SLC25A12: variants seen among roughly 807,000 people sequenced by gnomAD.
The protein encoded by SLC25A12 is electrogenic aspartate/glutamate antiporter SLC25A12, mitochondrial.
In SLC25A12, 32 loss-of-function variants were observed where a neutral mutation model predicts 83.3. The ratio of observed to expected loss-of-function variants is 0.38; its 90% CI spans 0.29 to 0.52. SLC25A12 has a LOEUF of 0.52. Among genes scored for constraint, SLC25A12 ranks in the 20% least tolerant of loss-of-function variants. The pLI, the probability that SLC25A12 is intolerant of heterozygous loss-of-function variation, is 0.84. For synonymous variants in SLC25A12, 267 were observed against 291.1 expected (o/e 0.92, Z 0.84); for missense variants, 611 against 835.6 (o/e 0.73, Z 3.31).
At chr2:171,791,378 GA>G (rs1683454180) in intron 15 of SLC25A12, 72 bp downstream of exon 15, 1 of 1,234,378 alleles carries the variant, frequency 8.1e-7, no homozygotes, top group African/African-American at 1.5e-5. Context: ...AATAAAGGGG[GA>G]AAGTACATAG....
chr2:171,839,412 G>A (rs1333792397), intron 5 of SLC25A12, among the ~76,000 whole-genome samples: 1 of 152,104 alleles, frequency 6.6e-6, no homozygotes, highest in Non-Finnish European at 1.5e-5. Flanking sequence ...GTAGGTAGGT[G>A]GATAGGAGAA....
intron 11 of SLC25A12, among the ~76,000 whole-genome samples, chr2:171,812,835 T>C (rs917925171): frequency 8.6e-5 from 13 of 151,152 alleles, no homozygotes; most frequent in Admixed American, 5.3e-4. Flanking sequence ...AGATGGCTCA[T>C]TGGAAAAAAT....
At chr2:171,813,242 A>G in intron 11 of SLC25A12, 97 bp downstream of exon 11, 1 of 1,229,080 alleles carries the variant, frequency 8.1e-7, no homozygotes, top group Non-Finnish European at 1.2e-6. Flanking sequence ...TAGTCTGGCT[A>G]GGCATACTAC....
At chr2:171,820,001 T>C (rs557456534) in intron 9 of SLC25A12, among the ~76,000 whole-genome samples, 2 of 152,294 alleles carry the variant, frequency 1.3e-5, no homozygotes, top group South Asian at 4.2e-4. Context: ...TTCTCACTTA[T>C]AAGTGGGAGC....
chr2:171,879,234 T>C (rs893673480), intron 2 of SLC25A12, among the ~76,000 whole-genome samples: 1 of 152,226 alleles, frequency 6.6e-6, no homozygotes, highest in African/African-American at 2.4e-5. Context: ...TAAATCTAAT[T>C]TTGATTAGCA....
intron 2 of SLC25A12, among the ~76,000 whole-genome samples, chr2:171,884,482 T>C (rs1320537453): frequency 6.6e-6 from 1 of 151,268 alleles, no homozygotes; most frequent in East Asian, 2.0e-4. Flanking sequence ...TGTTAGGTTC[T>C]AGGCTGGGCA....
intron 13 of SLC25A12, among the ~76,000 whole-genome samples, chr2:171,804,409 C>T (rs1043498146): frequency 1.3e-5 from 2 of 152,128 alleles, no homozygotes; most frequent in African/African-American, 4.8e-5. Context: ...AAAGCACCTG[C>T]CACCACGCCT....
chr2:171,830,279 C>T (rs953085015), intron 8 of SLC25A12, among the ~76,000 whole-genome samples: 3 of 152,196 alleles, frequency 2.0e-5, no homozygotes, highest in Non-Finnish European at 4.4e-5. Context: ...ATAATCTTGA[C>T]ACTTTTCAAT....
chr2:171,868,560 C>T lies in SLC25A12; in HGVS notation c.209+121G>A, dbSNP rs969800188. On this transcript the variant is annotated intron_variant, in intron 3 of 17. Transcript: ENST00000422440. ...AACTCCCGACCTCAGGTGATCCGCCCGCCTCAGCCTTCCAAAGCGCTGGGA... is the reference window on the plus strand; with the variant it reads ...AACTCCCGACCTCAGGTGATCCGCCTGCCTCAGCCTTCCAAAGCGCTGGGA... 1.0e-4 allele frequency: 96 copies of T among 939,950 alleles called. 1 individual carries two copies. The highest frequency in any genetic ancestry group is 1.4e-4 in the Admixed American group (8 of 55,850). 58.2% of individuals were successfully genotyped at this position (939,950 alleles called of 1,614,324 possible).
At chr2:171,843,779 G>C (rs1242967135) in intron 5 of SLC25A12, among the ~76,000 whole-genome samples, 1 of 149,298 alleles carries the variant, frequency 6.7e-6, no homozygotes, top group Non-Finnish European at 1.5e-5. Flanking sequence ...GGAGAGGAGA[G>C]AGGTGAAAGA....
At chr2:171,854,546 G>A (rs899356336) in intron 4 of SLC25A12, among the ~76,000 whole-genome samples, 2 of 151,880 alleles carry the variant, frequency 1.3e-5, no homozygotes, top group African/African-American at 2.4e-5. Flanking sequence ...CAGTCTGGGC[G>A]ACAGAGCAAG....
At chr2:171,866,157 G>C (rs1417328819) in intron 3 of SLC25A12, among the ~76,000 whole-genome samples, 2 of 137,464 alleles carry the variant, frequency 1.5e-5, no homozygotes, top group Non-Finnish European at 3.1e-5. Context: ...ACAGGGTTGG[G>C]GGTAAGGTCA....
At chr2:171,810,905 T>C (rs939028874) in intron 11 of SLC25A12, among the ~76,000 whole-genome samples, 3 of 152,200 alleles carry the variant, frequency 2.0e-5, no homozygotes, top group African/African-American at 7.2e-5. Flanking sequence ...TGTATTCTTA[T>C]TGACTAATAT....
intron 3 of SLC25A12, among the ~76,000 whole-genome samples, chr2:171,858,577 C>A (rs942410884): frequency 5.5e-4 from 84 of 152,342 alleles, no homozygotes; most frequent in African/African-American, 1.9e-3. Flanking sequence ...AGCTGGCAGA[C>A]TGAATTTGGT....
At chr2:171,879,962 C>T (rs531091074) in intron 2 of SLC25A12, among the ~76,000 whole-genome samples, 13 of 152,272 alleles carry the variant, frequency 8.5e-5, no homozygotes, top group South Asian at 2.1e-4. Context: ...CAGAGAACTT[C>T]GACACTCAAA....
chr2:171,873,013 C>A (rs146396145), intron 2 of SLC25A12, among the ~76,000 whole-genome samples: 1 of 152,116 alleles, frequency 6.6e-6, no homozygotes, highest in Non-Finnish European at 1.5e-5. Flanking sequence ...CTTTATTCTG[C>A]GAGCTGTGGG....
chr2:171,871,832 T>C (rs1305636599), intron 2 of SLC25A12: 1 of 758,492 alleles, frequency 1.3e-6, no homozygotes, highest in Non-Finnish European at 1.6e-6. Context: ...GGTGGGAGAA[T>C]CACTTGAACC....
chr2:171,889,928 G>A (rs140518033), intron 2 of SLC25A12, among the ~76,000 whole-genome samples: 145 of 152,278 alleles, frequency 9.5e-4, no homozygotes, highest in Middle Eastern at 3.4e-3. Flanking sequence ...CCAATCTCAA[G>A]CACACTCTAA....
At chr2:171,833,138 T>C (rs996767394) in intron 8 of SLC25A12, among the ~76,000 whole-genome samples, 42 of 152,148 alleles carry the variant, frequency 2.8e-4, no homozygotes, top group Non-Finnish European at 5.1e-4. Context: ...GCAGCAGGGC[T>C]TCCAGTTCCA....
Sources: gnomAD v4.1 joint callset for allele counts (sites outside exome capture counted in the v4.1 genomes callset) on GRCh38, gnomAD v4.1.1 for gene constraint, MANE v1.5 for transcripts, NCBI Gene and HGNC (gene_info 2026-07-23, HGNC 2026-07-21) for gene names.